Variants in KIAA0232 observed in about 807,000 individuals in gnomAD.
KIAA0232 encodes uncharacterized protein KIAA0232.
KIAA0232 carries 27 observed loss-of-function variants against 122.0 expected under a neutral mutation model. That is an observed-to-expected ratio of 0.22 (90% CI 0.16 to 0.31). The LOEUF (loss-of-function observed/expected upper bound fraction) is 0.31. Among genes scored for constraint, KIAA0232 ranks in the 10% least tolerant of loss-of-function variants. KIAA0232 has a pLI of 1.00. For missense variants in KIAA0232, 1,551 were observed against 1,634.2 expected (o/e 0.95, Z 0.88); for synonymous variants, 613 against 587.6 (o/e 1.04, Z -0.63).
Position 6,862,873 on chromosome 4 carries a change from A to G in KIAA0232, c.2491A>G (p.Lys831Glu). Residue 831 changes from lysine to glutamate, a missense_variant, in exon 7 of 10, where the codon AAG becomes GAG. By Grantham distance (56) the Lys-to-Glu change is moderately conservative. Coordinates refer to ENST00000307659, the MANE Select transcript of KIAA0232 (RefSeq NM_014743.3). ...AGGGGTTATTAAAGACATTTGGACA[A>G]AGATGGCAGACACAAATTCTGTGGC... is the stretch of plus-strand genomic sequence containing the variant. The part of the protein sequence containing the change: ...SSGVIKDIWT[K>E]MADTNSVATV... 1.2e-6 allele frequency: 2 copies of G among 1,614,250 alleles called. No individual in the cohort carries two copies. The highest frequency in any genetic ancestry group is 1.7e-6 in the Non-Finnish European group (2 of 1,180,036).
Position 6,882,892 on chromosome 4 carries a change from C to T in KIAA0232, c.*1926C>T, listed in dbSNP as rs1722154398. The T allele has an allele frequency of 6.6e-6, 1 of 152,584 alleles. No individual in the cohort carries two copies. The highest frequency in any genetic ancestry group is 2.1e-4 in the South Asian group (1 of 4,832). The allele number at this position is 152,584 out of a possible 1,614,324, so 9.5% of individuals were successfully genotyped here. On this transcript the variant is annotated 3_prime_UTR_variant, in exon 10 of 10. Transcript: ENST00000307659. ...TAGCAAAGACCAAATAAATAGATTT[C>T]AGACACAACCTTGAGCACAGTTGAT...
Position 6,855,704 on chromosome 4 carries a change from T to C in KIAA0232, c.370-1460T>C, listed in dbSNP as rs1720534641. 2 of 202,380 alleles carry C rather than the reference T, an allele frequency of 9.9e-6. No homozygotes were observed. The highest frequency in any genetic ancestry group is 1.8e-5 in the Non-Finnish European group (2 of 114,090). The allele number at this position is 202,380 out of a possible 1,614,324, so 12.5% of individuals were successfully genotyped here. Reference sequence around the variant, plus strand: ...TTAAATGGGACCCCATTTTAGAGTATTGGAAGACGTTTAATAAGTGATCCC... The same window carrying C: ...TTAAATGGGACCCCATTTTAGAGTACTGGAAGACGTTTAATAAGTGATCCC... On this transcript the variant is annotated intron_variant, in intron 4 of 9. Coordinates refer to ENST00000307659, the MANE Select transcript of KIAA0232 (RefSeq NM_014743.3). This position sits in a 1 kb window ranked among gnomAD's most constrained non-coding sequence, Gnocchi z 4.3.
chr4:6,798,078 C>A (rs532344913), intron 1 of KIAA0232, among the ~76,000 whole-genome samples: 78 of 151,326 alleles, frequency 5.2e-4, no homozygotes, highest in African/African-American at 1.8e-3. Context: ...AAAAGAGAGA[C>A]ATAAAAATGT....
At position 6,861,095 on chromosome 4, in the gene KIAA0232, A is replaced by T; in HGVS notation, c.713A>T (p.Glu238Val). 6.2e-7 allele frequency: 1 copy of T among 1,614,234 alleles called. No individual in the cohort carries two copies. The highest frequency in any genetic ancestry group is 1.3e-5 in the African/African-American group (1 of 75,064). The change falls in exon 7 of 10, where the codon GAA becomes GTA. Residue 238 changes from glutamate (E) to valine (V), a missense_variant. This residue lies in a region of KIAA0232 where 377 missense variants were observed against 381.7 expected (regional missense o/e 0.99). Coordinates refer to ENST00000307659, the MANE Select transcript of KIAA0232 (RefSeq NM_014743.3). ...ESEVTKERSS[E>V]VPTTVHEKTQ... The stretch of plus-strand genomic sequence containing the variant: ...GAAGTCACCAAGGAAAGAAGCAGTG[A>T]AGTACCCACCACTGTGCATGAGAAA...
chr4:6,801,518 A>G (rs577538053), intron 1 of KIAA0232, among the ~76,000 whole-genome samples: 7 of 151,538 alleles, frequency 4.6e-5, no homozygotes, highest in East Asian at 1.9e-4. Context: ...GTGCGACCCT[A>G]TCTCTACCAA....
rs1010073996 is a variant in KIAA0232, at chr4:6,882,833, A to G, written c.*1867A>G. On this transcript the variant is annotated 3_prime_UTR_variant, in exon 10 of 10. Coordinates refer to ENST00000307659, the MANE Select transcript of KIAA0232 (RefSeq NM_014743.3). ...AAAGTTGTAAATTCCTCATATCACT[A>G]CAGTGACGATTATTCTAGAAATCGT... The G allele has an allele frequency of 4.6e-5, 7 of 152,678 alleles. No individual in the cohort carries two copies. Among genetic ancestry groups the G allele is most frequent in the Admixed American group, 3.3e-4 (5 of 15,290 alleles). The allele number at this position is 152,678 out of a possible 1,614,324, so 9.5% of individuals were successfully genotyped here.
intron 4 of KIAA0232, among the ~76,000 whole-genome samples, chr4:6,851,378 T>C (rs1197199471): frequency 4.6e-5 from 7 of 152,126 alleles, no homozygotes; most frequent in Non-Finnish European, 1.0e-4. Context: ...CATCTCCATA[T>C]GAAAGTAAGA....
chr4:6,870,650 A>G (rs1172765072), intron 7 of KIAA0232, among the ~76,000 whole-genome samples: 4 of 152,146 alleles, frequency 2.6e-5, no homozygotes, highest in Admixed American at 2.6e-4. Context: ...TAAAAATACA[A>G]AAATTAGCCG....
At chr4:6,814,555 T>C (rs1718032757) in intron 2 of KIAA0232, among the ~76,000 whole-genome samples, 1 of 152,174 alleles carries the variant, frequency 6.6e-6, no homozygotes, top group South Asian at 2.1e-4. Context: ...TGTATGCTAT[T>C]TGGAGAAATG....
intron 3 of KIAA0232, among the ~76,000 whole-genome samples, chr4:6,837,915 G>A (rs573896744): frequency 1.3e-5 from 2 of 152,108 alleles, no homozygotes; most frequent in East Asian, 3.9e-4. Context: ...AAAGGGGAGA[G>A]GGGGAGGGGG....
At chr4:6,809,981 T>G (rs1269359431) in intron 2 of KIAA0232, among the ~76,000 whole-genome samples, 1 of 152,152 alleles carries the variant, frequency 6.6e-6, no homozygotes, top group Non-Finnish European at 1.5e-5. Flanking sequence ...GAAGAATTAA[T>G]ATCATTAAAG....
intron 3 of KIAA0232, among the ~76,000 whole-genome samples, chr4:6,835,393 A>C (rs1719206889): frequency 6.6e-6 from 1 of 152,220 alleles, no homozygotes; most frequent in South Asian, 2.1e-4. Context: ...GTTTGGTTTC[A>C]AAATTTTAGA....
At chr4:6,851,654 T>C (rs1425411161) in intron 4 of KIAA0232, among the ~76,000 whole-genome samples, 1 of 146,998 alleles carries the variant, frequency 6.8e-6, no homozygotes, top group South Asian at 2.1e-4. Flanking sequence ...AGGTCAAGGA[T>C]ATGGTGAGCT....
At chr4:6,872,231 T>G (rs567664853) in intron 8 of KIAA0232, among the ~76,000 whole-genome samples, 2 of 152,324 alleles carry the variant, frequency 1.3e-5, no homozygotes, top group Admixed American at 1.3e-4. Context: ...GAAATGGAAT[T>G]GAAAAACTGA....
chr4:6,852,417 C>T (rs551890150), intron 4 of KIAA0232, among the ~76,000 whole-genome samples: 1 of 152,200 alleles, frequency 6.6e-6, no homozygotes, highest in African/African-American at 2.4e-5. Flanking sequence ...TTTAAAACTT[C>T]CAGTCATTAA....
intron 3 of KIAA0232, among the ~76,000 whole-genome samples, chr4:6,837,272 G>A (rs950159491): frequency 6.6e-6 from 1 of 151,826 alleles, no homozygotes; most frequent in African/African-American, 2.4e-5. Flanking sequence ...CCTCCCAGAC[G>A]GGTTGGCGGC....
intron 3 of KIAA0232, among the ~76,000 whole-genome samples, chr4:6,831,353 C>A (rs1308793146): frequency 6.6e-6 from 1 of 152,174 alleles, no homozygotes; most frequent in African/African-American, 2.4e-5. Flanking sequence ...CACACCTGGC[C>A]GATTTTGTTG....
intron 3 of KIAA0232, among the ~76,000 whole-genome samples, chr4:6,840,037 T>G (rs1011238550): frequency 1.3e-5 from 2 of 152,154 alleles, no homozygotes; most frequent in African/African-American, 4.8e-5. Context: ...TTGGCCTAAA[T>G]TGGCTTACGG....
intron 4 of KIAA0232, among the ~76,000 whole-genome samples, chr4:6,851,411 T>A (rs978573608): frequency 6.6e-6 from 1 of 152,110 alleles, no homozygotes; most frequent in Non-Finnish European, 1.5e-5. Context: ...TTGCATATCA[T>A]AAAAAATAGG....
Sources: gnomAD v4.1 joint callset for allele counts (sites outside exome capture counted in the v4.1 genomes callset) on GRCh38, gnomAD v4.1.1 for gene constraint, gnomAD v4.1.1 regional missense constraint, Gnocchi (gnomAD v3.1) non-coding constraint, MANE v1.5 for transcripts, NCBI Gene and HGNC (gene_info 2026-07-23, HGNC 2026-07-21) for gene names.